Variants in KIAA0825 observed in about 807,000 individuals in gnomAD.
KIAA0825 encodes the protein uncharacterized protein KIAA0825.
In KIAA0825, 119 loss-of-function variants were observed where a neutral mutation model predicts 147.6. The observed-to-expected ratio is 0.81, with a 90% CI of 0.69 to 0.94. The LOEUF is 0.94. Among genes scored for constraint, KIAA0825 ranks in the 40% least tolerant of loss-of-function variants. The probability of loss-of-function intolerance (pLI) is 0.00; values close to 1 mark genes in which losing one functional copy is unlikely to be tolerated. For synonymous variants in KIAA0825, 470 were observed against 518.1 expected (o/e 0.91, Z 1.26); for missense variants, 1,381 against 1,472.7 (o/e 0.94, Z 1.02).
chr5:94,300,009 G>A (rs969329387), intron 20 of KIAA0825, among the ~76,000 whole-genome samples: 14 of 151,710 alleles, frequency 9.2e-5, no homozygotes, highest in African/African-American at 1.9e-4. Flanking sequence ...CCCTCATGAC[G>A]TCTTATAATA....
At chr5:94,169,564 A>AG (rs1314913695) in intron 20 of KIAA0825, among the ~76,000 whole-genome samples, 1 of 140,652 alleles carries the variant, frequency 7.1e-6, no homozygotes, top group Non-Finnish European at 1.6e-5. Context: ...CCTGGGTGAC[A>AG]GAAAAAAAAA....
At chr5:94,439,827 G>A (rs370459451) in intron 14 of KIAA0825, among the ~76,000 whole-genome samples, 155 bp downstream of exon 14, 17 of 152,268 alleles carry the variant, frequency 1.1e-4, no homozygotes, top group Middle Eastern at 3.4e-3. Context: ...TTGGTAAAGC[G>A]ATTTAATGCT....
chr5:94,477,094 C>A lies in KIAA0825; in HGVS notation c.1227+17G>T. 6.6e-7 allele frequency: 1 copy of A among 1,526,236 alleles called. No individual in the cohort carries two copies. Among genetic ancestry groups the A allele is most frequent in the South Asian group, 1.2e-5 (1 of 83,444 alleles). The allele number at this position is 1,526,236 out of a possible 1,614,324, so 94.5% of individuals were successfully genotyped here. On this transcript the variant is annotated intron_variant, in intron 7 of 20. Transcript: ENST00000682413. ...ATTATATGTGAATTATAAAACACTT[C>A]TTTTTCCTTCACTTACCTCTTTTCC... is the stretch of plus-strand genomic sequence containing the variant.
At position 94,266,407 on chromosome 5, in the gene KIAA0825, A is replaced by C. The variant is rs139405188; in HGVS notation, c.3711-112283T>G. Among the ~76,000 whole-genome samples, 498 of 152,332 alleles carry C rather than the reference A, an allele frequency of 3.3e-3. 1 individual carries two copies. Among genetic ancestry groups the C allele is most frequent in the Non-Finnish European group, 5.5e-3 (375 of 68,022 alleles). ...GATGTCATAAATCTTCTGTGGTAAA[A>C]GACCAATTCAAAGTACAAGATATCA... On this transcript the variant is annotated intron_variant, in intron 20 of 20. Coordinates refer to ENST00000682413, the MANE Select transcript of KIAA0825 (RefSeq NM_001145678.3).
At chr5:94,210,408 C>T (rs1772600599) in intron 20 of KIAA0825, among the ~76,000 whole-genome samples, 1 of 152,130 alleles carries the variant, frequency 6.6e-6, no homozygotes, top group African/African-American at 2.4e-5. Context: ...AAGCATGTTC[C>T]AGGCAAAAAT....
rs1040398366 is a variant in KIAA0825, at chr5:94,440,013, T to C, written c.2466A>G (p.Gly822=). 9 of 1,551,620 alleles carry C rather than the reference T, an allele frequency of 5.8e-6. No homozygotes were observed. Among genetic ancestry groups the C allele is most frequent in the Non-Finnish European group, 7.8e-6 (9 of 1,146,844 alleles). The change falls in exon 14 of 21, where the codon GGA becomes GGG. Residue 822 remains glycine, a synonymous_variant. Transcript: ENST00000682413. ...LLLETLLHHD[G]LLLRILLKSS... is the part of the protein sequence containing the mutation. ...TCTTCAGCAAGATTCTCAGTAAAAG[T>C]CCATCATGATGCAGTAGGGTTTCCA...
chr5:94,600,710 C>T (rs1407487411), intron 1 of KIAA0825, among the ~76,000 whole-genome samples: 1 of 152,172 alleles, frequency 6.6e-6, no homozygotes, highest in African/African-American at 2.4e-5. Context: ...GCTTGGACAA[C>T]TCAGCCATTC....
chr5:94,171,232 A>G (rs747680253), intron 20 of KIAA0825, among the ~76,000 whole-genome samples: 1 of 152,168 alleles, frequency 6.6e-6, no homozygotes, highest in Non-Finnish European at 1.5e-5. Flanking sequence ...ACACAAGGTC[A>G]GATGGTTTTA....
chr5:94,178,037 T>A (rs1769268981), intron 20 of KIAA0825, among the ~76,000 whole-genome samples: 2 of 151,944 alleles, frequency 1.3e-5, no homozygotes, highest in South Asian at 4.2e-4. Flanking sequence ...TGATCCTGCA[T>A]ATTTTAGTTA....
chr5:94,520,950 AGTGC>A lies in KIAA0825; in HGVS notation c.301-37_301-34del, dbSNP rs1408199197. On this transcript the variant is annotated intron_variant, in intron 4 of 20. Coordinates refer to ENST00000682413, the MANE Select transcript of KIAA0825 (RefSeq NM_001145678.3). ...AATTATAACATTAGAAATGTGATTA[AGTGC>A]AATAGAAAAAATGATTTCTATAGTC... The A allele has an allele frequency of 3.5e-6, 5 of 1,437,774 alleles. No individual in the cohort carries two copies. The Admixed American group carries it at 6.9e-5, about 20-fold the overall frequency. The allele number at this position is 1,437,774 out of a possible 1,614,324, so 89.1% of individuals were successfully genotyped here. A position where few individuals can be genotyped will look rare whatever the true frequency, so the allele number is the denominator to read the frequency against.
intron 20 of KIAA0825, among the ~76,000 whole-genome samples, chr5:94,247,414 C>T (rs548888121): frequency 8.3e-4 from 127 of 152,096 alleles, no homozygotes; most frequent in Non-Finnish European, 1.6e-3. Flanking sequence ...AGGATCCTGG[C>T]ATGCTGCTCT....
At chr5:94,250,243 A>C (rs562658493) in intron 20 of KIAA0825, among the ~76,000 whole-genome samples, 1 of 152,188 alleles carries the variant, frequency 6.6e-6, no homozygotes, top group South Asian at 2.1e-4. Flanking sequence ...TAATTCTACT[A>C]TGGCTCTCAT....
At chr5:94,561,668 G>A (rs982503413) in intron 2 of KIAA0825, among the ~76,000 whole-genome samples, 1 of 152,112 alleles carries the variant, frequency 6.6e-6, no homozygotes, top group East Asian at 1.9e-4. Context: ...ATAAACACAG[G>A]ATTTTCCACA....
intron 20 of KIAA0825, among the ~76,000 whole-genome samples, chr5:94,262,182 A>G (rs543992665): frequency 2.6e-5 from 4 of 152,142 alleles, no homozygotes; most frequent in Non-Finnish European, 5.9e-5. Context: ...AAAATGGATT[A>G]TAAGAATATA....
chr5:94,173,203 C>A (rs956291033), intron 20 of KIAA0825, among the ~76,000 whole-genome samples: 2 of 146,728 alleles, frequency 1.4e-5, no homozygotes, highest in African/African-American at 5.5e-5. Context: ...GTTACCAGGG[C>A]AAATACCATA....
At chr5:94,509,418 A>G (rs1164744508) in intron 5 of KIAA0825, among the ~76,000 whole-genome samples, 1 of 152,182 alleles carries the variant, frequency 6.6e-6, no homozygotes, top group Non-Finnish European at 1.5e-5. Flanking sequence ...GAAAGTATGT[A>G]TTTTTCTGTA....
intron 20 of KIAA0825, among the ~76,000 whole-genome samples, chr5:94,354,117 T>C (rs1395316933): frequency 6.6e-6 from 1 of 152,224 alleles, no homozygotes; most frequent in African/African-American, 2.4e-5. Flanking sequence ...TAAGTAGTTA[T>C]TGAGGGCTTT....
intron 20 of KIAA0825, among the ~76,000 whole-genome samples, chr5:94,330,665 C>T (rs1584138611): frequency 1.3e-5 from 2 of 151,912 alleles, no homozygotes; most frequent in East Asian, 3.9e-4. Context: ...GAAAAAAGCA[C>T]AGCAAAATAA....
At chr5:94,615,127 T>C (rs1219863545) in intron 1 of KIAA0825, among the ~76,000 whole-genome samples, 1 of 150,622 alleles carries the variant, frequency 6.6e-6, no homozygotes. Flanking sequence ...TGCAAAAACA[T>C]GATTGTGTGT....
Sources: gnomAD v4.1 joint callset for allele counts (sites outside exome capture counted in the v4.1 genomes callset) on GRCh38, gnomAD v4.1.1 for gene constraint, MANE v1.5 for transcripts, NCBI Gene and HGNC (gene_info 2026-07-23, HGNC 2026-07-21) for gene names.